Variants in ABCA8 observed in about 807,000 individuals in gnomAD.
The protein encoded by ABCA8 is ATP binding cassette subfamily A member 8.
Under a neutral mutation model 192.3 loss-of-function variants are expected in ABCA8, and 177 were observed. The observed-to-expected ratio is 0.92, with a 90% CI of 0.81 to 1.04. The LOEUF is 1.04. Ranked by LOEUF, ABCA8 falls within the 50% of genes least tolerant of loss-of-function variation. The pLI, the probability that ABCA8 is intolerant of heterozygous loss-of-function variation, is 0.00. For synonymous variants in ABCA8, 642 were observed against 690.2 expected, an observed-to-expected ratio of 0.93 and a Z score of 1.09; for missense variants, 1,915 against 1,904.8, an observed-to-expected ratio of 1.01 and a Z score of -0.10.
intron 18 of ABCA8, among the ~76,000 whole-genome samples, chr17:68,906,767 C>T (rs938434556): frequency 2.0e-5 from 3 of 152,098 alleles, no homozygotes; most frequent in African/African-American, 4.8e-5. Flanking sequence ...AGTGATTATT[C>T]GCTCTAGCAA....
At chr17:68,870,221 C>A (rs1279934982) in intron 37 of ABCA8, among the ~76,000 whole-genome samples, 1 of 152,198 alleles carries the variant, frequency 6.6e-6, no homozygotes, top group South Asian at 2.1e-4. Flanking sequence ...GTAGAACACC[C>A]CTTTTCTCTC....
intron 21 of ABCA8, 63 bp downstream of exon 21, chr17:68,902,648 TTA>T (rs2066943624): frequency 7.7e-7 from 1 of 1,306,058 alleles, no homozygotes; most frequent in South Asian, 1.9e-5. Context: ...TTTCTCATGG[TTA>T]TGTTTTCTAA....
Position 68,929,989 on chromosome 17 carries a change from G to C in ABCA8, c.798-287C>G, listed in dbSNP as rs549944536. The stretch of plus-strand genomic sequence containing the variant: ...ATTGTTCTGGGGGGTGGGGGCGGTG[G>C]GGGGGGAATTAGGTTTCCAGTGTAA... On this transcript the variant is annotated intron_variant, in intron 7 of 39. Transcript: ENST00000586539. 7.3e-5 allele frequency among the ~76,000 whole-genome samples: 11 copies of C among 151,650 alleles called. No individual in the cohort carries two copies. In the South Asian group the frequency reaches 2.1e-3, roughly 29 times the overall value.
chr17:68,868,153 G>A lies in ABCA8; in HGVS notation c.4798C>T (p.Leu1600=), dbSNP rs772254172. ...VFLELSKEQE[L]GDFEEDFDPS... is the part of the protein sequence containing the mutation. ...TCAAAATCCTCCTCAAAATCACCCA[G>A]CTCCTGCTCCTTGGAGAGCTCCAGG... The change falls in exon 40 of 40, where the codon CTG becomes TTG. Residue 1600 remains leucine, a synonymous_variant. Transcript: ENST00000586539. 5 of 1,613,034 alleles carry A rather than the reference G, an allele frequency of 3.1e-6. No individual in the cohort carries two copies. Among genetic ancestry groups the A allele is most frequent in the African/African-American group, 1.3e-5 (1 of 74,876 alleles).
intron 37 of ABCA8, among the ~76,000 whole-genome samples, chr17:68,872,775 C>T (rs938610734): frequency 2.6e-5 from 4 of 151,470 alleles, no homozygotes; most frequent in Non-Finnish European, 2.9e-5. Flanking sequence ...TTGTGTCTCA[C>T]TTTTTAATAA....
At chr17:68,910,268 C>T (rs1328867060) in intron 17 of ABCA8, among the ~76,000 whole-genome samples, 4 of 152,168 alleles carry the variant, frequency 2.6e-5, no homozygotes, top group Non-Finnish European at 5.9e-5. Context: ...CACAACTTCC[C>T]ATCCTTGGCA....
chr17:68,873,284 A>G (rs2066113119), intron 37 of ABCA8, among the ~76,000 whole-genome samples: 1 of 152,226 alleles, frequency 6.6e-6, no homozygotes, highest in African/African-American at 2.4e-5. Flanking sequence ...TTTGTAGCCT[A>G]GGAGCAATAG....
chr17:68,882,736 C>T lies in ABCA8; in HGVS notation c.3708-17G>A. 6.2e-7 allele frequency: 1 copy of T among 1,602,318 alleles called. No individual in the cohort carries two copies. The stretch of plus-strand genomic sequence containing the variant: ...GGAGAAATTCTAGAGTCAAAACCAT[C>T]CATTAATATTGATTTCTGGCTTTCA... On this transcript the variant is annotated splice_polypyrimidine_tract_variant and intron_variant, in intron 29 of 39. Transcript: ENST00000586539.
At chr17:68,943,268 T>C (rs2143776340) in intron 2 of ABCA8, among the ~76,000 whole-genome samples, 1 of 152,332 alleles carries the variant, frequency 6.6e-6, no homozygotes, top group Middle Eastern at 3.4e-3. Flanking sequence ...CATTTATTTA[T>C]TGTTTCCATC....
At chr17:68,893,572 C>G (rs2143402439) in intron 23 of ABCA8, among the ~76,000 whole-genome samples, 1 of 151,802 alleles carries the variant, frequency 6.6e-6, no homozygotes, top group African/African-American at 2.4e-5. Context: ...TCATTTGTTC[C>G]TTCCTTTGTT....
At position 68,918,431 on chromosome 17, in the gene ABCA8, G is replaced by A; in HGVS notation, c.1904C>T (p.Pro635Leu). 6.4e-7 allele frequency: 1 copy of A among 1,573,458 alleles called. No individual in the cohort carries two copies. Among genetic ancestry groups the A allele is most frequent in the Non-Finnish European group, 8.6e-7 (1 of 1,163,878 alleles). The part of the protein sequence containing the change: ...LTFGIAILGD[P>L]QIFLLDEPTA... The stretch of plus-strand genomic sequence containing the variant: ...TGCAAATTCAATGTGACTCACCTGA[G>A]GATCTCCTAAAATGGCAATCCCAAA... Residue 635 changes from proline to leucine, a missense_variant, in exon 15 of 40, where the codon CCT becomes CTT. Transcript: ENST00000586539.
intron 31 of ABCA8, 97 bp from the exon 32 acceptor site, chr17:68,881,308 T>C: frequency 2.3e-6 from 2 of 871,532 alleles, no homozygotes; most frequent in Admixed American, 4.7e-5. Context: ...CATTTGCTAT[T>C]AGTTGTCATT....
At chr17:68,924,909 C>G in intron 10 of ABCA8, 40 bp from the exon 11 acceptor site, 1 of 1,596,482 alleles carries the variant, frequency 6.3e-7, no homozygotes, top group Non-Finnish European at 8.5e-7. Context: ...GGTCAATGAC[C>G]ACGTTAGGGA....
chr17:68,951,797 T>A (rs1224182111), intron 1 of ABCA8, among the ~76,000 whole-genome samples: 1 of 152,222 alleles, frequency 6.6e-6, no homozygotes, highest in Non-Finnish European at 1.5e-5. Flanking sequence ...GCTGCATTTT[T>A]AAATATTTGG....
rs1389496446 is a variant in ABCA8, at chr17:68,907,884, C to T, written c.2139-5G>A. The T allele has an allele frequency of 6.6e-7, 1 of 1,511,992 alleles. No homozygotes were observed. The highest frequency in any genetic ancestry group is 2.3e-5 in the East Asian group (1 of 42,616). 93.7% of individuals were successfully genotyped at this position (1,511,992 alleles called of 1,614,324 possible). A position where few individuals can be genotyped will look rare whatever the true frequency, so the allele number is the denominator to read the frequency against. ...CATATTTCATTTAACTGCAAGCTGG[C>T]ATTCAGAAAAAAAAAAAAAGACATA... is the stretch of plus-strand genomic sequence containing the variant. On this transcript the variant is annotated splice_polypyrimidine_tract_variant and splice_region_variant and intron_variant, in intron 17 of 39. Transcript: ENST00000586539.
At chr17:68,902,661 G>A in intron 21 of ABCA8, 52 bp downstream of exon 21, 1 of 1,463,990 alleles carries the variant, frequency 6.8e-7, no homozygotes, top group Non-Finnish European at 9.4e-7. Flanking sequence ...TGTTTTCTAA[G>A]TACTGCTCTG....
intron 23 of ABCA8, among the ~76,000 whole-genome samples, chr17:68,893,853 A>G (rs968869149): frequency 6.7e-6 from 1 of 148,878 alleles, no homozygotes; most frequent in Non-Finnish European, 1.5e-5. Flanking sequence ...GTCATCTAGC[A>G]TTAGGTATAT....
intron 4 of ABCA8, 49 bp from the exon 5 acceptor site, chr17:68,937,164 C>A (rs2068090909): frequency 6.9e-7 from 1 of 1,457,500 alleles, no homozygotes; most frequent in Non-Finnish European, 9.3e-7. Flanking sequence ...CTAGGAGACA[C>A]AACTTCAGGA....
chr17:68,928,693 T>G lies in ABCA8; in HGVS notation c.1125+356A>C, dbSNP rs184430892. On this transcript the variant is annotated intron_variant, in intron 9 of 39. Transcript: ENST00000586539. ...TTTTAAATTTTTAATTTAATTTGAT[T>G]TAATGGTTTTTAATCACGTATTCTC... is the stretch of plus-strand genomic sequence containing the variant. Among the ~76,000 whole-genome samples, 52 of 152,332 alleles carry G rather than the reference T, an allele frequency of 3.4e-4. No homozygotes were observed. The East Asian group carries it at 0.01, about 29-fold the overall frequency.
Sources: gnomAD v4.1 joint callset for allele counts (sites outside exome capture counted in the v4.1 genomes callset) on GRCh38, gnomAD v4.1.1 for gene constraint, MANE v1.5 for transcripts, NCBI Gene and HGNC (gene_info 2026-07-23, HGNC 2026-07-21) for gene names.